Variants in TTN observed in about 807,000 individuals in gnomAD.
The protein encoded by TTN is titin.
A neutral mutation model predicts 3,223.0 loss-of-function variants in TTN; 1,525 were observed. The observed-to-expected ratio is 0.47, with a 90% confidence interval of 0.45 to 0.49. The LOEUF (loss-of-function observed/expected upper bound fraction) is 0.49. Among genes scored for constraint, TTN ranks in the 20% least tolerant of loss-of-function variants. The pLI, the probability that TTN is intolerant of heterozygous loss-of-function variation, is 0.00. For synonymous variants in TTN, 14,094 were observed against 15,161.0 expected (o/e 0.93, Z 5.17); for missense variants, 40,786 against 43,424.0 (o/e 0.94, Z 5.40).
intron 52 of TTN, 89 bp downstream of exon 52, chr2:178,734,239 A>C (rs922099673): frequency 2.1e-6 from 3 of 1,432,704 alleles, no homozygotes; most frequent in Non-Finnish European, 2.8e-6. Context: ...AGGATAGGAC[A>C]AGAGAAGAAA....
Position 178,607,008 on chromosome 2 carries a change from C to A in TTN, c.53581+13G>T. 1 of 1,598,994 alleles carries A rather than the reference C, an allele frequency of 6.3e-7. No individual in the cohort carries two copies. The highest frequency in any genetic ancestry group is 1.4e-5 in the African/African-American group (1 of 73,702). ...ACATTACTCTATAAACACAATGAAACCTTCTCTTTTACCTAGTGGATCAAC... is the reference window on the plus strand; with the variant it reads ...ACATTACTCTATAAACACAATGAAAACTTCTCTTTTACCTAGTGGATCAAC... On this transcript the variant is annotated intron_variant, in intron 278 of 362. Coordinates refer to ENST00000589042, the MANE Select transcript of TTN (RefSeq NM_001267550.2).
rs1480837379 is a variant in TTN at position 178,550,247 on chromosome 2, C to G, written c.91591G>C (p.Glu30531Gln). The change falls in exon 337 of 363, where the codon GAA (glutamate) becomes CAA (glutamine). Residue 30531 changes from glutamate to glutamine, a missense_variant. By Grantham distance (29) the Glu-to-Gln change is conservative. Coordinates refer to ENST00000589042, the MANE Select transcript of TTN (RefSeq NM_001267550.2). ...TTAATAATGAGACCATCAAAGTATT[C>G]AGGGCCAAACTCTACTATTGGTGGA... ...NVPPIVEFGP[E>Q]YFDGLIIKSG... The G allele has an allele frequency of 1.2e-6, 2 of 1,612,102 alleles. No homozygotes were observed. Among genetic ancestry groups the G allele is most frequent in the African/African-American group, 1.3e-5 (1 of 74,808 alleles).
At chr2:178,709,084 G>T (rs2076281289) in intron 99 of TTN, among the ~76,000 whole-genome samples, 1 of 151,944 alleles carries the variant, frequency 6.6e-6, no homozygotes, top group Non-Finnish European at 1.5e-5. Context: ...ATTAATATTT[G>T]TTTGCAGGTC....
chr2:178,557,511 G>A lies in TTN; in HGVS notation c.87751C>T (p.Arg29251Ter), dbSNP rs794729299. ...TGCCAGCCCACAGTGATGCTTTCTC[G>A]AGTAACATTAGTGACCCATGGTGTA... ...PSTPWVTNVT[R>*]ESITVGWHEP... The change falls in exon 329 of 363, where the codon CGA becomes TGA. Residue 29251 changes from arginine to a stop codon, truncating the protein, a stop_gained. Coordinates refer to ENST00000589042, the MANE Select transcript of TTN (RefSeq NM_001267550.2). LOFTEE classifies it high-confidence loss of function. 1.2e-6 allele frequency: 2 copies of A among 1,613,880 alleles called. No homozygotes were observed. Among genetic ancestry groups the A allele is most frequent in the South Asian group, 1.1e-5 (1 of 91,086 alleles).
chr2:178,582,900 CA>C lies in TTN; in HGVS notation c.65863+39del, dbSNP rs143554070. On this transcript the variant is annotated intron_variant, in intron 313 of 362. Coordinates refer to ENST00000589042, the MANE Select transcript of TTN (RefSeq NM_001267550.2). ...TAAATCCTATTTACATCCCATTATCCAAAGTAAAATATGGGATTCCAATGAA... is the reference window on the plus strand; with the variant it reads ...TAAATCCTATTTACATCCCATTATCCAAGTAAAATATGGGATTCCAATGAA... 12,359 of 1,433,394 alleles carry C rather than the reference CA, an allele frequency of 8.6e-3. 835 individuals are homozygous for C. In the Admixed American group the frequency reaches 0.16, roughly 18 times the overall value. The allele number at this position is 1,433,394 out of a possible 1,614,324, so 88.8% of individuals were successfully genotyped here. A position where few individuals can be genotyped will look rare whatever the true frequency, so the allele number is the denominator to read the frequency against.
chr2:178,650,644 G>T, intron 209 of TTN, 107 bp downstream of exon 209: 1 of 1,094,682 alleles, frequency 9.1e-7, no homozygotes, highest in Non-Finnish European at 1.3e-6. Flanking sequence ...AATAATTAAA[G>T]GTTAGAAAAT....
chr2:178,528,024 G>T, intron 361 of TTN: 1 of 551,594 alleles, frequency 1.8e-6, no homozygotes, highest in Non-Finnish European at 3.1e-6. Flanking sequence ...GAAAGTAATT[G>T]ACATATTGTG....
Position 178,680,002 on chromosome 2 carries a change from C to A in TTN, c.33472G>T (p.Val11158Phe). The change falls in exon 140 of 363, where the codon GTT (valine) becomes TTT (phenylalanine). Residue 11158 changes from valine to phenylalanine, a missense_variant. Val to Phe is a conservative substitution (Grantham distance 50). Transcript: ENST00000589042. ...EPEEVAFEEEVVTHVEEYLVE... is the reference protein window; with the variant it reads ...EPEEVAFEEEFVTHVEEYLVE... ...AGATATTCTTCTACATGGGTTACAACTTCCTCTTCAAAGGCAACCTCTTCT... is the reference window on the plus strand; with the variant it reads ...AGATATTCTTCTACATGGGTTACAAATTCCTCTTCAAAGGCAACCTCTTCT... The A allele has an allele frequency of 6.2e-7, 1 of 1,613,268 alleles. No individual in the cohort carries two copies. Among genetic ancestry groups the A allele is most frequent in the Non-Finnish European group, 8.5e-7 (1 of 1,179,474 alleles).
In TTN at chr2:178,543,068, CCTCTGAGGTCT is replaced by C; in HGVS notation, c.96894_96904del (p.Gln32298HisfsTer45). 6.4e-7 allele frequency: 1 copy of C among 1,558,618 alleles called. No homozygotes were observed. Among genetic ancestry groups the C allele is most frequent in the Non-Finnish European group, 8.7e-7 (1 of 1,149,790 alleles). On this transcript the variant is annotated frameshift_variant and splice_region_variant, in exon 347 of 363. Coordinates refer to ENST00000589042, the MANE Select transcript of TTN (RefSeq NM_001267550.2). LOFTEE classifies it high-confidence loss of function. ...TTTTTTTTTGGCTATTTGGTACATA[CCTCTGAGGTCT>C]TGTACAGTCACGGCTGTGACAGTCT...
chr2:178,786,834 C>A (rs1266743423), intron 13 of TTN, among the ~76,000 whole-genome samples: 3 of 152,150 alleles, frequency 2.0e-5, no homozygotes, highest in African/African-American at 4.8e-5. Flanking sequence ...AAGAGAACAA[C>A]CTTTCACATT....
chr2:178,749,916 G>GT, intron 47 of TTN: 1 of 1,613,136 alleles, frequency 6.2e-7, no homozygotes, highest in Non-Finnish European at 8.5e-7. Context: ...GGCATTTCTT[G>GT]TAACATTTTT....
rs773571719 is a variant in TTN at position 178,747,633 on chromosome 2, T to C, written c.11311+5491A>G. 9.3e-6 allele frequency: 15 copies of C among 1,613,316 alleles called. No individual in the cohort carries two copies. In the Admixed American group the frequency reaches 2.5e-4, roughly 27 times the overall value. On this transcript the variant is annotated intron_variant, in intron 47 of 362. Coordinates refer to ENST00000589042, the MANE Select transcript of TTN (RefSeq NM_001267550.2). ...TGGACAAGCTTTGCCTGGTCTCTGG[T>C]GTCTTTAGTTTCAGGAACCTCACGC...
rs773149425 is a variant in TTN at position 178,651,992 on chromosome 2, A to G, written c.39296-25T>C. On this transcript the variant is annotated intron_variant, in intron 204 of 362. Coordinates refer to ENST00000589042, the MANE Select transcript of TTN (RefSeq NM_001267550.2). ...ACTTTAAAGACATGAGCTCATTTTA[A>G]TGCCAGAATTGACTAAAACTGAGAT... 6.2e-6 allele frequency: 10 copies of G among 1,610,962 alleles called. No individual in the cohort carries two copies. In the East Asian group the frequency reaches 1.8e-4, roughly 29 times the overall value.
Position 178,590,926 on chromosome 2 carries a change from G to A in TTN, c.60799C>T (p.His20267Tyr). The A allele has an allele frequency of 6.2e-7, 1 of 1,613,088 alleles. No homozygotes were observed. The highest frequency in any genetic ancestry group is 1.1e-5 in the South Asian group (1 of 91,038). Reference sequence around the variant, plus strand: ...GGAGGAGACGGAGGACTAAATTTATGCTTAGCAACAGTAGGTGTGGAGTCA... The same window carrying A: ...GGAGGAGACGGAGGACTAAATTTATACTTAGCAACAGTAGGTGTGGAGTCA... ...PLDSTPTVAKHKFSPPSPPGK... is the reference protein window; with the variant it reads ...PLDSTPTVAKYKFSPPSPPGK... Residue 20267 changes from histidine to tyrosine, a missense_variant, in exon 304 of 363, where the codon CAT becomes TAT. Physicochemically the swap from His to Tyr is moderately conservative, Grantham distance 83. Transcript: ENST00000589042.
In TTN at chr2:178,712,120, G is replaced by A. The variant is rs1297278620; in HGVS notation, c.27710C>T (p.Ser9237Phe). The A allele has an allele frequency of 1.9e-6, 3 of 1,613,666 alleles. No individual in the cohort carries two copies. The highest frequency in any genetic ancestry group is 2.2e-5 in the South Asian group (2 of 91,044). The change falls in exon 96 of 363, where the codon TCC becomes TTC. Residue 9237 changes from serine to phenylalanine, a missense_variant. By Grantham distance (155) the Ser-to-Phe change is radical (BLOSUM62 -2). Transcript: ENST00000589042. ...QLAGTPEIGVSWYKGDTKLRP... is the reference protein window; with the variant it reads ...QLAGTPEIGVFWYKGDTKLRP... ...CAATTTTGTATCTCCTTTATACCAG[G>A]ATACCCCAATTTCAGGGGTTCCAGC...
chr2:178,614,029 T>C (rs796927290), intron 262 of TTN, 23 bp downstream of exon 262: 2 of 1,609,154 alleles, frequency 1.2e-6, no homozygotes, highest in African/African-American at 1.3e-5. Flanking sequence ...CTTTTTTTTT[T>C]ATCAGCTGAT....
Position 178,543,251 on chromosome 2 carries a change from G to T in TTN, c.96722C>A (p.Ala32241Asp), listed in dbSNP as rs760365458. Residue 32241 changes from alanine (A) to aspartate (D), a missense_variant, in exon 347 of 363, where the codon GCC becomes GAC. Physicochemically the swap from Ala to Asp is moderately radical, Grantham distance 126 (BLOSUM62 -2). Coordinates refer to ENST00000589042, the MANE Select transcript of TTN (RefSeq NM_001267550.2). ...GSRLTGYVLE[A>D]CKAGTERWMK... ...CCATCTCTCTGTGCCAGCTTTGCAG[G>T]CCTCGAGAACATATCCAGTGAGTCG... The T allele has an allele frequency of 1.9e-6, 3 of 1,613,566 alleles. No homozygotes were observed. Among genetic ancestry groups the T allele is most frequent in the Non-Finnish European group, 2.5e-6 (3 of 1,179,782 alleles).
rs1482431359 is a variant in TTN at position 178,636,043 on chromosome 2, T to C, written c.41528A>G (p.Asp13843Gly). ...TGTGTATGTTCCAGCATCTGTGTCA[T>C]CTGCATCGTTGATGGTCAGAGCCCG... is the stretch of plus-strand genomic sequence containing the variant. ...LMRALTINDA[D>G]DTDAGTYTVT... Residue 13843 changes from aspartate (D) to glycine (G), a missense_variant, in exon 226 of 363, where the codon GAT (aspartate) becomes GGT (glycine). Asp to Gly is a moderately conservative substitution (Grantham distance 94). Coordinates refer to ENST00000589042, the MANE Select transcript of TTN (RefSeq NM_001267550.2). This position sits in a 1 kb window ranked among gnomAD's most constrained non-coding sequence, Gnocchi z 4.3. 1.2e-6 allele frequency: 2 copies of C among 1,613,302 alleles called. No individual in the cohort carries two copies. The highest frequency in any genetic ancestry group is 1.7e-6 in the Non-Finnish European group (2 of 1,179,480).
chr2:178,601,438 G>A lies in TTN; in HGVS notation c.55559C>T (p.Thr18520Ile). The change falls in exon 287 of 363, where the codon ACT becomes ATT. Residue 18520 changes from threonine to isoleucine, a missense_variant. Physicochemically the swap from Thr to Ile is moderately conservative, Grantham distance 89. Transcript: ENST00000589042. The part of the protein sequence containing the change: ...RIKGYVIEKR[T>I]IDGKAWTKVN... The stretch of plus-strand genomic sequence containing the variant: ...TTTGGTCCAGGCTTTTCCATCAATA[G>A]TCCTCTTCTCAATAACATAGCCTTT... 1 of 1,612,834 alleles carries A rather than the reference G, an allele frequency of 6.2e-7. No individual in the cohort carries two copies. The highest frequency in any genetic ancestry group is 8.5e-7 in the Non-Finnish European group (1 of 1,179,330).
Sources: gnomAD v4.1 joint callset for allele counts (sites outside exome capture counted in the v4.1 genomes callset) on GRCh38, gnomAD v4.1.1 for gene constraint, Gnocchi (gnomAD v3.1) non-coding constraint, MANE v1.5 for transcripts, NCBI Gene and HGNC (gene_info 2026-07-23, HGNC 2026-07-21) for gene names.